Variants in RGS7 observed in about 807,000 individuals in gnomAD.
RGS7 encodes the protein regulator of G protein signaling 7, also known as regulator of G-protein signaling 7.
Under a neutral mutation model 81.1 loss-of-function variants are expected in RGS7, and 27 were observed. That is an observed-to-expected ratio of 0.33 (90% CI 0.25 to 0.46). The LOEUF (loss-of-function observed/expected upper bound fraction) is 0.46, where lower values mean the gene tolerates loss of function less well. Ranked by LOEUF, RGS7 falls within the 20% of genes least tolerant of loss-of-function variation. RGS7 has a pLI of 1.00. For missense variants in RGS7, 396 were observed against 607.4 expected (o/e 0.65, Z 3.66); for synonymous variants, 208 against 207.7 (o/e 1.00, Z -0.01).
At chr1:241,230,491 A>C (rs188763717) in intron 2 of RGS7, among the ~76,000 whole-genome samples, 18 of 152,266 alleles carry the variant, frequency 1.2e-4, no homozygotes, top group Admixed American at 3.3e-4. Flanking sequence ...TGGGATTACT[A>C]TCATGAGCCA....
chr1:241,171,722 C>A (rs988017276), intron 2 of RGS7, among the ~76,000 whole-genome samples: 1 of 152,172 alleles, frequency 6.6e-6, no homozygotes, highest in Non-Finnish European at 1.5e-5. Context: ...GGTACCCTAT[C>A]CGTGAGTGAC....
At chr1:241,262,449 G>A (rs1036133204) in intron 2 of RGS7, among the ~76,000 whole-genome samples, 1 of 152,158 alleles carries the variant, frequency 6.6e-6, no homozygotes, top group African/African-American at 2.4e-5. Context: ...GAAGTTCATG[G>A]GCACTATCAA....
chr1:241,227,748 AC>A, intron 2 of RGS7, among the ~76,000 whole-genome samples: 2 of 151,968 alleles, frequency 1.3e-5, no homozygotes, highest in South Asian at 4.1e-4. Context: ...ACCTTGTGTC[AC>A]CTCCAGAAAA....
chr1:240,942,494 T>G (rs914578656), intron 4 of RGS7, among the ~76,000 whole-genome samples: 1 of 152,262 alleles, frequency 6.6e-6, no homozygotes, highest in African/African-American at 2.4e-5. Flanking sequence ...CACTGAATCC[T>G]GTATTTTTAT....
chr1:240,801,159 TA>T (rs979671105), intron 17 of RGS7, among the ~76,000 whole-genome samples: 1 of 152,120 alleles, frequency 6.6e-6, no homozygotes, highest in African/African-American at 2.4e-5. Context: ...ATACAAGGAA[TA>T]AAAATAAAAT....
Position 240,827,160 on chromosome 1 carries a change from T to G in RGS7, c.622A>C (p.Asn208His). ...DVHRPVPGCVNTTEVDIKKSS... is the reference protein window; with the variant it reads ...DVHRPVPGCVHTTEVDIKKSS... ...TTCTTAATGTCCACTTCAGTTGTAT[T>G]TACACATCCAGGCTGGGAATGGAAA... The change falls in exon 10 of 19, where the codon AAT becomes CAT. Residue 208 changes from asparagine to histidine, a missense_variant. Physicochemically the swap from Asn to His is moderately conservative, Grantham distance 68 (BLOSUM62 1). Coordinates refer to ENST00000440928, the MANE Select transcript of RGS7 (RefSeq NM_001364886.1). 1 of 1,613,254 alleles carries G rather than the reference T, an allele frequency of 6.2e-7. No homozygotes were observed. The highest frequency in any genetic ancestry group is 8.5e-7 in the Non-Finnish European group (1 of 1,179,190).
At chr1:240,970,935 C>T (rs1055273497) in intron 4 of RGS7, among the ~76,000 whole-genome samples, 2 of 152,106 alleles carry the variant, frequency 1.3e-5, no homozygotes, top group African/African-American at 4.8e-5. Context: ...GCTGATATTG[C>T]ACCGCTGCAC....
chr1:240,916,706 T>C (rs543597067), intron 6 of RGS7, among the ~76,000 whole-genome samples: 47 of 152,200 alleles, frequency 3.1e-4, no homozygotes, highest in Non-Finnish European at 5.3e-4. Flanking sequence ...AAGGTGGCCT[T>C]CTGAAAGCCA....
chr1:241,337,631 A>C (rs1372482332), intron 2 of RGS7, among the ~76,000 whole-genome samples: 2 of 152,178 alleles, frequency 1.3e-5, no homozygotes, highest in Admixed American at 6.5e-5. Flanking sequence ...ACGGTTTCCA[A>C]AGTATTTATT....
At chr1:241,019,856 AATG>A (rs937371517) in intron 3 of RGS7, among the ~76,000 whole-genome samples, 1 of 152,188 alleles carries the variant, frequency 6.6e-6, no homozygotes, top group African/African-American at 2.4e-5. Flanking sequence ...CAGATTTGAA[AATG>A]ATATGTTGAC....
chr1:241,199,748 C>T (rs1460345527), intron 2 of RGS7, among the ~76,000 whole-genome samples: 1 of 150,988 alleles, frequency 6.6e-6, no homozygotes, highest in Non-Finnish European at 1.5e-5. Context: ...TACTATGTTT[C>T]TCTAGATGAA....
chr1:240,835,908 C>G (rs992433651), intron 9 of RGS7, among the ~76,000 whole-genome samples: 1 of 152,130 alleles, frequency 6.6e-6, no homozygotes, highest in Non-Finnish European at 1.5e-5. Flanking sequence ...AATAGTTTTG[C>G]CTTTTCCAGA....
At chr1:240,871,410 G>A (rs929739322) in intron 6 of RGS7, among the ~76,000 whole-genome samples, 2 of 152,120 alleles carry the variant, frequency 1.3e-5, no homozygotes, top group Admixed American at 1.3e-4. Context: ...GTGCAAACAG[G>A]AATACTATTT....
chr1:241,014,150 A>G (rs529267870), intron 3 of RGS7, among the ~76,000 whole-genome samples: 24 of 152,336 alleles, frequency 1.6e-4, no homozygotes, highest in African/African-American at 5.8e-4. Context: ...CTATGTTTTC[A>G]TCTTCTTCTC....
At chr1:240,964,171 A>G (rs1004326295) in intron 4 of RGS7, among the ~76,000 whole-genome samples, 3 of 152,256 alleles carry the variant, frequency 2.0e-5, no homozygotes, top group Non-Finnish European at 2.9e-5. Context: ...TTAAAACATT[A>G]GAGACATTTC....
chr1:240,844,975 A>G (rs1019178434), intron 9 of RGS7, among the ~76,000 whole-genome samples: 2 of 152,210 alleles, frequency 1.3e-5, no homozygotes, highest in Non-Finnish European at 2.9e-5. Flanking sequence ...CACAAAACTG[A>G]CAATGCCAAA....
At chr1:241,334,360 G>A (rs1000281370) in intron 2 of RGS7, among the ~76,000 whole-genome samples, 1 of 152,138 alleles carries the variant, frequency 6.6e-6, no homozygotes, top group African/African-American at 2.4e-5. Flanking sequence ...GGAGAGCAAT[G>A]GGGATGGGGA....
chr1:241,237,505 A>G (rs2076043789), intron 2 of RGS7, among the ~76,000 whole-genome samples: 1 of 152,020 alleles, frequency 6.6e-6, no homozygotes, highest in South Asian at 2.1e-4. Context: ...ATTAACAAGC[A>G]TATTTTACAC....
chr1:240,793,611 A>ATATATATATATATATATTTTTTTTTT, intron 18 of RGS7, among the ~76,000 whole-genome samples: 3 of 78,806 alleles, frequency 3.8e-5, no homozygotes, highest in African/African-American at 2.9e-4. Flanking sequence ...ATATATATAT[A>ATATATATATATATATATTTTTTTTTT]TTTTTTTTTT....
Sources: gnomAD v4.1 joint callset for allele counts (sites outside exome capture counted in the v4.1 genomes callset) on GRCh38, gnomAD v4.1.1 for gene constraint, MANE v1.5 for transcripts, NCBI Gene and HGNC (gene_info 2026-07-23, HGNC 2026-07-21) for gene names.